GPR158: variants seen among roughly 807,000 people sequenced by gnomAD.
The protein encoded by GPR158 is metabotropic glycine receptor.
GPR158 carries 30 observed loss-of-function variants against 78.2 expected under a neutral mutation model. The ratio of observed to expected loss-of-function variants is 0.38; its 90% CI spans 0.29 to 0.52. The LOEUF (loss-of-function observed/expected upper bound fraction) is 0.52, where lower values mean the gene tolerates loss of function less well. GPR158 is among the 20% of genes least tolerant of loss of function. The pLI is 0.83. For missense variants in GPR158, 1,463 were observed against 1,523.5 expected, an observed-to-expected ratio of 0.96 and a Z score of 0.66; for synonymous variants, 581 against 591.1, an observed-to-expected ratio of 0.98 and a Z score of 0.25.
intron 2 of GPR158, among the ~76,000 whole-genome samples, chr10:25,272,905 C>G (rs1344623426): frequency 6.6e-6 from 1 of 152,116 alleles, no homozygotes; most frequent in East Asian, 1.9e-4. Context: ...AGGCTGAGCT[C>G]CTAGAATTAT....
At chr10:25,215,513 GT>G (rs1323100496) in intron 1 of GPR158, among the ~76,000 whole-genome samples, 5 of 152,012 alleles carry the variant, frequency 3.3e-5, no homozygotes, top group African/African-American at 1.2e-4. Context: ...ATGGTAAATT[GT>G]GTTATGTATA....
At chr10:25,441,976 G>A (rs1472967166) in intron 4 of GPR158, among the ~76,000 whole-genome samples, 1 of 152,114 alleles carries the variant, frequency 6.6e-6, no homozygotes, top group East Asian at 1.9e-4. Flanking sequence ...AACTATTCAG[G>A]ATTCTCCCAG....
intron 2 of GPR158, among the ~76,000 whole-genome samples, chr10:25,390,883 G>T (rs1348908315): frequency 1.3e-5 from 2 of 152,210 alleles, no homozygotes; most frequent in African/African-American, 2.4e-5. Context: ...TCCCATCACA[G>T]GCCTGGAGGC....
chr10:25,258,939 A>G (rs777523168), intron 2 of GPR158, among the ~76,000 whole-genome samples: 2 of 152,234 alleles, frequency 1.3e-5, no homozygotes, highest in Non-Finnish European at 2.9e-5. Flanking sequence ...AGTAAGCTAG[A>G]GAAAAGAAAA....
intron 2 of GPR158, among the ~76,000 whole-genome samples, chr10:25,327,975 G>T (rs567596228): frequency 9.7e-4 from 148 of 152,116 alleles, no homozygotes; most frequent in African/African-American, 3.4e-3. Context: ...TAATGGTTTG[G>T]TAGCTAGGGA....
At chr10:25,597,598 G>C (rs1017464903) in intron 10 of GPR158, among the ~76,000 whole-genome samples, 174 bp from the exon 11 acceptor site, 1 of 152,126 alleles carries the variant, frequency 6.6e-6, no homozygotes, top group Non-Finnish European at 1.5e-5. Context: ...AAACACAAAA[G>C]AATCAGAAAG....
intron 6 of GPR158, among the ~76,000 whole-genome samples, chr10:25,556,122 A>C (rs1397086662): frequency 6.6e-6 from 1 of 152,210 alleles, no homozygotes; most frequent in Non-Finnish European, 1.5e-5. Flanking sequence ...CCTGAAGTGC[A>C]GTTATTCGAC....
intron 5 of GPR158, among the ~76,000 whole-genome samples, chr10:25,474,520 C>T: frequency 6.6e-6 from 1 of 152,156 alleles, no homozygotes; most frequent in East Asian, 1.9e-4. Flanking sequence ...GACCCCTAAT[C>T]TGAGTCAGAT....
intron 2 of GPR158, among the ~76,000 whole-genome samples, chr10:25,282,752 C>A (rs975483759): frequency 2.6e-5 from 4 of 152,064 alleles, no homozygotes; most frequent in Non-Finnish European, 5.9e-5. Flanking sequence ...TGCTTCTTTG[C>A]CATTCATACA....
chr10:25,263,701 C>T (rs1176037146), intron 2 of GPR158, among the ~76,000 whole-genome samples: 5 of 152,052 alleles, frequency 3.3e-5, no homozygotes, highest in Non-Finnish European at 5.9e-5. Context: ...CTTTGGGAGG[C>T]TGAAGCAGGT....
In GPR158 at chr10:25,176,080, C is replaced by G. The variant is rs369875092; in HGVS notation, c.660C>G (p.Thr220=). The change falls in exon 1 of 11, where the codon ACC becomes ACG. Residue 220 remains threonine (T), a synonymous_variant. Coordinates refer to ENST00000376351, the MANE Select transcript of GPR158 (RefSeq NM_020752.3). This position sits in a 1 kb window ranked among gnomAD's most constrained non-coding sequence, Gnocchi z 6.3. Reference sequence around the variant, plus strand: ...ACCTGGCCAACGCCACTCTGGAGACCGAGTGGTTCCACGGCCTCCGGCGCA... The same window carrying G: ...ACCTGGCCAACGCCACTCTGGAGACGGAGTGGTTCCACGGCCTCCGGCGCA... ...APHLANATLE[T]EWFHGLRRKW... The G allele has an allele frequency of 1.6e-4, 252 of 1,598,314 alleles. No individual in the cohort carries two copies. The highest frequency in any genetic ancestry group is 2.1e-4 in the Non-Finnish European group (244 of 1,173,184).
chr10:25,440,452 C>T (rs1470590191), intron 4 of GPR158, among the ~76,000 whole-genome samples: 1 of 152,202 alleles, frequency 6.6e-6, no homozygotes, highest in Non-Finnish European at 1.5e-5. Context: ...TTTTCCCCTT[C>T]AATTTTCCAT....
intron 4 of GPR158, among the ~76,000 whole-genome samples, chr10:25,415,688 A>G (rs1365223338): frequency 6.6e-6 from 1 of 152,154 alleles, no homozygotes; most frequent in Non-Finnish European, 1.5e-5. Flanking sequence ...ACAAAGAAAT[A>G]TGCATACAAA....
chr10:25,430,756 T>A (rs1235826465), intron 4 of GPR158, among the ~76,000 whole-genome samples: 1 of 142,158 alleles, frequency 7.0e-6, no homozygotes, highest in African/African-American at 2.6e-5. Flanking sequence ...AAACAAGCAA[T>A]GGGGAAAGGA....
Position 25,175,660 on chromosome 10 carries a change from G to A in GPR158, c.240G>A (p.Met80Ile). 1 of 1,611,478 alleles carries A rather than the reference G, an allele frequency of 6.2e-7. No individual in the cohort carries two copies. Among genetic ancestry groups the A allele is most frequent in the Non-Finnish European group, 8.5e-7 (1 of 1,179,946 alleles). Residue 80 changes from methionine (M) to isoleucine (I), a missense_variant, in exon 1 of 11, where the codon ATG (methionine) becomes ATA (isoleucine). By Grantham distance (10) the Met-to-Ile change is conservative. Transcript: ENST00000376351. The surrounding 1 kb of genome is among the most constrained non-coding windows in gnomAD (Gnocchi z 6.4). ...AGAAACTCGCCGAGGAGGTGCCCAT[G>A]GACGTGGCCTCTTACCTCTACACCG... ...LAQKLAEEVP[M>I]DVASYLYTGD...
At chr10:25,378,871 A>T (rs1834119076) in intron 2 of GPR158, among the ~76,000 whole-genome samples, 1 of 151,998 alleles carries the variant, frequency 6.6e-6, no homozygotes, top group Non-Finnish European at 1.5e-5. Context: ...AGCTCACTGC[A>T]GCCTCAAACT....
chr10:25,251,409 C>T (rs1190236272), intron 2 of GPR158, among the ~76,000 whole-genome samples: 7 of 151,658 alleles, frequency 4.6e-5, no homozygotes, highest in South Asian at 2.1e-4. Context: ...TTCCTAGTCT[C>T]GATGGTCTTT....
At chr10:25,322,818 A>G (rs563451671) in intron 2 of GPR158, among the ~76,000 whole-genome samples, 6 of 152,184 alleles carry the variant, frequency 3.9e-5, no homozygotes, top group African/African-American at 1.4e-4. Context: ...GTCAATGAGC[A>G]GTAGTATTTT....
At chr10:25,490,047 A>G (rs1258996183) in intron 5 of GPR158, among the ~76,000 whole-genome samples, 1 of 152,162 alleles carries the variant, frequency 6.6e-6, no homozygotes, top group Non-Finnish European at 1.5e-5. Context: ...ATATATCAGA[A>G]GAAAATTTAC....
Sources: gnomAD v4.1 joint callset for allele counts (sites outside exome capture counted in the v4.1 genomes callset) on GRCh38, gnomAD v4.1.1 for gene constraint, Gnocchi (gnomAD v3.1) non-coding constraint, MANE v1.5 for transcripts, NCBI Gene and HGNC (gene_info 2026-07-23, HGNC 2026-07-21) for gene names.